The following SORCS2 variants were observed in gnomAD, a reference collection of about 807,000 sequenced individuals.
SORCS2 encodes sortilin related VPS10 domain containing receptor 2.
Under a neutral mutation model 141.6 loss-of-function variants are expected in SORCS2, and 100 were observed. That is an observed-to-expected ratio of 0.71 (90% CI 0.60 to 0.83). The LOEUF (loss-of-function observed/expected upper bound fraction) is 0.83. Ranked by LOEUF, SORCS2 falls within the 40% of genes least tolerant of loss-of-function variation. The pLI is 0.00. For missense variants in SORCS2, 1,646 were observed against 1,560.2 expected, an observed-to-expected ratio of 1.05 and a Z score of -0.93; for synonymous variants, 789 against 676.9, an observed-to-expected ratio of 1.17 and a Z score of -2.57.
chr4:7,619,235 T>C (rs1718979508), intron 3 of SORCS2, among the ~76,000 whole-genome samples: 1 of 152,186 alleles, frequency 6.6e-6, no homozygotes, highest in African/African-American at 2.4e-5. Flanking sequence ...CTTAAGCCAG[T>C]GGCAGCGAAT....
chr4:7,642,147 T>C (rs1211675893), intron 4 of SORCS2, among the ~76,000 whole-genome samples: 1 of 152,234 alleles, frequency 6.6e-6, no homozygotes, highest in Non-Finnish European at 1.5e-5. Context: ...GGCTGTCCTT[T>C]GCCATGGCTC....
At chr4:7,667,484 T>C (rs1194234975) in intron 8 of SORCS2, among the ~76,000 whole-genome samples, 1 of 152,200 alleles carries the variant, frequency 6.6e-6, no homozygotes, top group East Asian at 1.9e-4. Context: ...CCCTTGCACA[T>C]GTGGTATTTG....
At chr4:7,403,997 A>ATATATATATATATATATTTT (rs1265288820) in intron 2 of SORCS2, among the ~76,000 whole-genome samples, 19 of 18,908 alleles carry the variant, frequency 1.0e-3, no homozygotes, top group Non-Finnish European at 2.3e-3. Context: ...ATATATATAT[A>ATATATATATATATATATTTT]TTTTTTTTTT....
At chr4:7,576,037 G>A (rs1200165449) in intron 3 of SORCS2, among the ~76,000 whole-genome samples, 2 of 152,216 alleles carry the variant, frequency 1.3e-5, no homozygotes, top group African/African-American at 4.8e-5. Context: ...ACATATCAGT[G>A]AACAAACAAG....
intron 2 of SORCS2, among the ~76,000 whole-genome samples, chr4:7,482,501 C>T (rs866733235): frequency 5.9e-4 from 32 of 54,274 alleles, no homozygotes; most frequent in African/African-American, 1.4e-3. Flanking sequence ...GTATCCCCAC[C>T]GCGGACACCC....
chr4:7,538,246 G>T (rs1712287864), intron 3 of SORCS2, among the ~76,000 whole-genome samples: 1 of 152,206 alleles, frequency 6.6e-6, no homozygotes, highest in South Asian at 2.1e-4. Flanking sequence ...CTTAGGGAAT[G>T]AATTCCCTTT....
chr4:7,554,385 G>T (rs575564755), intron 3 of SORCS2, among the ~76,000 whole-genome samples: 11 of 152,262 alleles, frequency 7.2e-5, no homozygotes, highest in Admixed American at 2.6e-4. Context: ...TGACATCATG[G>T]TATACTTGGA....
intron 2 of SORCS2, among the ~76,000 whole-genome samples, chr4:7,440,967 G>A (rs1054110812): frequency 6.6e-6 from 1 of 152,192 alleles, no homozygotes; most frequent in Non-Finnish European, 1.5e-5. Context: ...CACTCAAATG[G>A]CAGGCAGAAG....
Position 7,737,133 on chromosome 4 carries a change from C to G in SORCS2, c.3376C>G (p.Pro1126Ala), listed in dbSNP as rs1043772731. The change falls in exon 26 of 27, where the codon CCT becomes GCT. Residue 1126 changes from proline (P) to alanine (A), a missense_variant. Transcript: ENST00000507866. Reference sequence around the variant, plus strand: ...CGAGAAGGAGCAGGAGATGACCAGCCCTGTGAGTCACAGTGAGGACGTCCA... The same window carrying G: ...CGAGAAGGAGCAGGAGATGACCAGCGCTGTGAGTCACAGTGAGGACGTCCA... ...HNEKEQEMTS[P>A]VSHSEDVQGA... The G allele has an allele frequency of 7.7e-6, 12 of 1,551,388 alleles. No homozygotes were observed. In the Middle Eastern group the frequency reaches 5.0e-4, roughly 65 times the overall value.
intron 3 of SORCS2, among the ~76,000 whole-genome samples, chr4:7,635,938 G>T (rs2108857707): frequency 6.6e-6 from 1 of 152,304 alleles, no homozygotes; most frequent in African/African-American, 2.4e-5. Context: ...AAGAATCTAT[G>T]GGATCACCAT....
intron 2 of SORCS2, among the ~76,000 whole-genome samples, chr4:7,521,339 G>T (rs1051375718): frequency 6.6e-6 from 1 of 152,186 alleles, no homozygotes; most frequent in Admixed American, 6.5e-5. Flanking sequence ...CTAACACTGG[G>T]CACCCCCTCC....
intron 1 of SORCS2, among the ~76,000 whole-genome samples, chr4:7,243,176 C>T (rs1044203577): frequency 3.9e-5 from 6 of 152,178 alleles, no homozygotes; most frequent in South Asian, 2.1e-4. Flanking sequence ...TTAGTTGTCA[C>T]GTGGGATGTT....
At chr4:7,354,085 G>A (rs748932341) in intron 1 of SORCS2, among the ~76,000 whole-genome samples, 1 of 152,164 alleles carries the variant, frequency 6.6e-6, no homozygotes, top group Non-Finnish European at 1.5e-5. Context: ...GCCATGTTGC[G>A]AGCATGAGTT....
At chr4:7,665,734 C>A (rs961314623) in intron 7 of SORCS2, among the ~76,000 whole-genome samples, 1 of 152,218 alleles carries the variant, frequency 6.6e-6, no homozygotes, top group Non-Finnish European at 1.5e-5. Flanking sequence ...TTTCCCAGCT[C>A]CTAGCATTGC....
intron 3 of SORCS2, among the ~76,000 whole-genome samples, chr4:7,615,441 A>T (rs1246116463): frequency 8.5e-5 from 13 of 152,180 alleles, no homozygotes; most frequent in Admixed American, 8.5e-4. Flanking sequence ...TGTGCCAGGG[A>T]GGGAGAGGTG....
intron 1 of SORCS2, among the ~76,000 whole-genome samples, chr4:7,291,965 G>T (rs1716630341): frequency 6.6e-6 from 1 of 152,238 alleles, no homozygotes; most frequent in South Asian, 2.1e-4. Flanking sequence ...GCCAAGGCAG[G>T]GATGGTAGGA....
Position 7,322,588 on chromosome 4 carries a change from C to T in SORCS2, c.481-73700C>T, listed in dbSNP as rs113301356. On this transcript the variant is annotated intron_variant, in intron 1 of 26. Transcript: ENST00000507866. ...TGATTGACTCACACAGAACAGAAGT[C>T]GGAAATGCAGGAGGAGGGGCGCAGA... is the stretch of plus-strand genomic sequence containing the variant. Among the ~76,000 whole-genome samples the T allele has an allele frequency of 7.6e-3, 1,158 of 152,280 alleles. 14 individuals carry two copies. The highest frequency in any genetic ancestry group is 0.027 in the African/African-American group (1,102 of 41,544).
intron 1 of SORCS2, among the ~76,000 whole-genome samples, chr4:7,364,728 C>G (rs1476706060): frequency 1.3e-5 from 2 of 152,190 alleles, no homozygotes; most frequent in Non-Finnish European, 2.9e-5. Flanking sequence ...GACCTCATGT[C>G]ACATGAAGTC....
chr4:7,738,551 G>C (rs574949142), intron 26 of SORCS2, among the ~76,000 whole-genome samples: 3 of 152,134 alleles, frequency 2.0e-5, no homozygotes, highest in Non-Finnish European at 2.9e-5. Context: ...ACCTCTCACC[G>C]TTGCTGCGGG....
Sources: gnomAD v4.1 joint callset for allele counts (sites outside exome capture counted in the v4.1 genomes callset) on GRCh38, gnomAD v4.1.1 for gene constraint, MANE v1.5 for transcripts, NCBI Gene and HGNC (gene_info 2026-07-23, HGNC 2026-07-21) for gene names.